The following CSMD3 variants were observed in gnomAD, a reference collection of about 807,000 sequenced individuals.
CSMD3 encodes the protein CUB and Sushi multiple domains 3.
Under a neutral mutation model 435.2 loss-of-function variants are expected in CSMD3, and 177 were observed. The ratio of observed to expected loss-of-function variants is 0.41; its 90% confidence interval spans 0.36 to 0.46. CSMD3 has a LOEUF of 0.46. Ranked by LOEUF, CSMD3 falls within the 20% of genes least tolerant of loss-of-function variation. The pLI is 0.34. For missense variants in CSMD3, 4,265 were observed against 4,504.6 expected (o/e 0.95, Z 1.52); for synonymous variants, 1,656 against 1,520.5 (o/e 1.09, Z -2.07).
chr8:112,301,115 A>C (rs186822555), intron 53 of CSMD3, among the ~76,000 whole-genome samples: 336 of 152,186 alleles, frequency 2.2e-3, no homozygotes, highest in Admixed American at 3.0e-3. Context: ...CAAAGCATAA[A>C]TAGCATAAAT....
chr8:113,244,292 T>G (rs983010964), intron 3 of CSMD3, among the ~76,000 whole-genome samples: 4 of 152,244 alleles, frequency 2.6e-5, no homozygotes, highest in African/African-American at 7.2e-5. Flanking sequence ...ATCTTACATT[T>G]AAGTCTATGA....
chr8:112,312,262 G>A (rs1822045622), intron 49 of CSMD3, among the ~76,000 whole-genome samples: 1 of 151,900 alleles, frequency 6.6e-6, no homozygotes, highest in African/African-American at 2.4e-5. Context: ...TCAGTTTTTT[G>A]GTTTTTTTTG....
chr8:113,187,532 C>G (rs569807416), intron 3 of CSMD3, among the ~76,000 whole-genome samples: 1 of 152,014 alleles, frequency 6.6e-6, no homozygotes, highest in Non-Finnish European at 1.5e-5. Flanking sequence ...ATGAAACCAA[C>G]AGGCAGAGTC....
chr8:113,198,102 T>C (rs2092679259), intron 3 of CSMD3, among the ~76,000 whole-genome samples: 1 of 151,400 alleles, frequency 6.6e-6, no homozygotes. Flanking sequence ...AAACTTCAAG[T>C]TATTGTGCAG....
chr8:112,294,290 T>C (rs1030478914), intron 54 of CSMD3, among the ~76,000 whole-genome samples: 3 of 152,094 alleles, frequency 2.0e-5, no homozygotes, highest in Non-Finnish European at 4.4e-5. Context: ...ACAGATTAAA[T>C]GAAATATTTC....
At chr8:113,164,816 C>T (rs2092119040) in intron 4 of CSMD3, among the ~76,000 whole-genome samples, 1 of 152,082 alleles carries the variant, frequency 6.6e-6, no homozygotes, top group Non-Finnish European at 1.5e-5. Context: ...TATCCCTCCC[C>T]AGTGATTGCT....
At chr8:112,499,857 G>A (rs1292208874) in intron 30 of CSMD3, among the ~76,000 whole-genome samples, 3 of 152,012 alleles carry the variant, frequency 2.0e-5, no homozygotes, top group African/African-American at 7.2e-5. Flanking sequence ...GGTGGCTTAC[G>A]CCTGTAATCC....
rs7829011 is a variant in CSMD3 at position 113,132,104 on chromosome 8, A to G, written c.710-33141T>C. Among the ~76,000 whole-genome samples the G allele has an allele frequency of 2.3e-3, 355 of 152,190 alleles. 2 individuals carry two copies. The highest frequency in any genetic ancestry group is 8.0e-3 in the African/African-American group (334 of 41,550). On this transcript the variant is annotated intron_variant, in intron 4 of 70. Transcript: ENST00000297405. ...TTTTTGTAGCAGAGGCATTTACCCA[A>G]TGCCTGTACCTCCATTTTATCTTGG... is the stretch of plus-strand genomic sequence containing the variant.
intron 40 of CSMD3, among the ~76,000 whole-genome samples, chr8:112,349,464 T>C (rs923989564): frequency 6.6e-6 from 1 of 152,102 alleles, no homozygotes; most frequent in African/African-American, 2.4e-5. Flanking sequence ...GCACTAGCAA[T>C]ATGGTAATGG....
chr8:112,423,775 T>A (rs1812764473), intron 32 of CSMD3, among the ~76,000 whole-genome samples: 1 of 152,214 alleles, frequency 6.6e-6, no homozygotes, highest in Non-Finnish European at 1.5e-5. Context: ...CATGTAAAAC[T>A]AATTTGGATT....
At chr8:113,244,621 AT>A (rs1270224564) in intron 3 of CSMD3, among the ~76,000 whole-genome samples, 1 of 151,994 alleles carries the variant, frequency 6.6e-6, no homozygotes, top group East Asian at 1.9e-4. Context: ...GCCTACATTA[AT>A]TTTTTATGGT....
chr8:112,231,312 A>G (rs535781091), intron 69 of CSMD3, among the ~76,000 whole-genome samples: 3 of 152,308 alleles, frequency 2.0e-5, no homozygotes, highest in African/African-American at 7.2e-5. Flanking sequence ...AGTTTGTCAT[A>G]TTTATTAGAA....
chr8:112,548,561 T>A (rs940765701), intron 27 of CSMD3, among the ~76,000 whole-genome samples: 4 of 152,166 alleles, frequency 2.6e-5, no homozygotes, highest in Non-Finnish European at 2.9e-5. Flanking sequence ...TTTCTGAACA[T>A]TAATGTATTT....
chr8:112,729,240 T>C (rs1389434376), intron 13 of CSMD3, among the ~76,000 whole-genome samples: 1 of 151,942 alleles, frequency 6.6e-6, no homozygotes, highest in Non-Finnish European at 1.5e-5. Flanking sequence ...AACAAGAGTG[T>C]TCTTAGAGCA....
chr8:113,321,456 T>C (rs1159584543), intron 1 of CSMD3, among the ~76,000 whole-genome samples: 1 of 152,118 alleles, frequency 6.6e-6, no homozygotes, highest in Non-Finnish European at 1.5e-5. Context: ...ATCAAAGTCC[T>C]CAAAATGTTC....
intron 10 of CSMD3, 115 bp downstream of exon 10, chr8:112,921,512 C>T: frequency 1.1e-6 from 1 of 924,852 alleles, no homozygotes; most frequent in Non-Finnish European, 1.7e-6. Flanking sequence ...TATATGAGCA[C>T]AATCTTTCCT....
intron 5 of CSMD3, among the ~76,000 whole-genome samples, chr8:113,093,098 A>G (rs1043888945): frequency 6.6e-6 from 1 of 152,124 alleles, no homozygotes; most frequent in Non-Finnish European, 1.5e-5. Context: ...GTTCAGGGCT[A>G]GGCATTCTGT....
Position 112,457,352 on chromosome 8 carries a change from T to C in CSMD3, c.5395+15239A>G, listed in dbSNP as rs147069878. Among the ~76,000 whole-genome samples the C allele has an allele frequency of 1.3e-3, 192 of 152,184 alleles. 1 individual carries two copies. Among genetic ancestry groups the C allele is most frequent in the African/African-American group, 4.6e-3 (190 of 41,534 alleles). ...ACAGGCGAGTGAGAGAACTGGATTGTTCAGAAATAGTAAGCCTGTACAATT... is the reference window on the plus strand; with the variant it reads ...ACAGGCGAGTGAGAGAACTGGATTGCTCAGAAATAGTAAGCCTGTACAATT... On this transcript the variant is annotated intron_variant, in intron 32 of 70. Coordinates refer to ENST00000297405, the MANE Select transcript of CSMD3 (RefSeq NM_198123.2).
chr8:113,284,707 T>G (rs1331375115), intron 2 of CSMD3, among the ~76,000 whole-genome samples: 2 of 152,230 alleles, frequency 1.3e-5, no homozygotes, highest in Non-Finnish European at 2.9e-5. Context: ...AAGCATACTA[T>G]TTTATAGATA....
Sources: gnomAD v4.1 joint callset for allele counts (sites outside exome capture counted in the v4.1 genomes callset) on GRCh38, gnomAD v4.1.1 for gene constraint, MANE v1.5 for transcripts, NCBI Gene and HGNC (gene_info 2026-07-23, HGNC 2026-07-21) for gene names.